The following FHIT variants were observed in gnomAD, a reference collection of about 807,000 sequenced individuals.
FHIT encodes the protein bis(5'-adenosyl)-triphosphatase.
FHIT carries 19 observed loss-of-function variants against 17.9 expected under a neutral mutation model. The ratio of observed to expected loss-of-function variants is 1.06; its 90% CI spans 0.74 to 1.56. FHIT has a LOEUF of 1.56. Among genes scored for constraint, FHIT ranks in the 40% most tolerant of loss-of-function variants. The pLI is 0.00. For missense variants in FHIT, 248 were observed against 189.2 expected (o/e 1.31, Z -1.82); for synonymous variants, 81 against 69.7 (o/e 1.16, Z -0.81).
intron 7 of FHIT, among the ~76,000 whole-genome samples, chr3:59,957,519 G>A (rs1289311851): frequency 6.6e-6 from 1 of 152,254 alleles, no homozygotes; most frequent in Non-Finnish European, 1.5e-5. Flanking sequence ...ACTGATGAGT[G>A]AATGGATGAA....
At chr3:59,781,102 G>C (rs1702562454) in intron 8 of FHIT, among the ~76,000 whole-genome samples, 2 of 152,096 alleles carry the variant, frequency 1.3e-5, no homozygotes, top group Admixed American at 6.6e-5. Flanking sequence ...ATTTCCCTTA[G>C]AAAAAGGCAT....
At chr3:60,964,158 T>A (rs1444216405) in intron 3 of FHIT, among the ~76,000 whole-genome samples, 6 of 152,226 alleles carry the variant, frequency 3.9e-5, no homozygotes, top group African/African-American at 1.4e-4. Flanking sequence ...GCTCTTCTTG[T>A]TGAATTGATC....
chr3:60,323,642 C>G (rs1178415741), intron 5 of FHIT, among the ~76,000 whole-genome samples: 1 of 152,210 alleles, frequency 6.6e-6, no homozygotes, highest in African/African-American at 2.4e-5. Flanking sequence ...ATCCCTGTGC[C>G]TCCTGTACTA....
intron 5 of FHIT, among the ~76,000 whole-genome samples, chr3:60,058,941 T>A (rs373584055): frequency 2.0e-5 from 3 of 152,124 alleles, no homozygotes; most frequent in East Asian, 3.9e-4. Context: ...TCAGAGGCCA[T>A]GATGGTCAAA....
intron 8 of FHIT, among the ~76,000 whole-genome samples, chr3:59,915,316 G>A (rs1017547312): frequency 6.6e-6 from 1 of 152,138 alleles, no homozygotes; most frequent in Non-Finnish European, 1.5e-5. Flanking sequence ...GATTTACTAT[G>A]GATGCTATGG....
chr3:60,658,495 A>G (rs2040167883), intron 4 of FHIT, among the ~76,000 whole-genome samples: 1 of 152,108 alleles, frequency 6.6e-6, no homozygotes, highest in Non-Finnish European at 1.5e-5. Flanking sequence ...TTAATATCCT[A>G]AAGTTATCGA....
chr3:60,901,760 T>G (rs62251568), intron 3 of FHIT, among the ~76,000 whole-genome samples: 1 of 152,018 alleles, frequency 6.6e-6, no homozygotes, highest in South Asian at 2.1e-4. Flanking sequence ...TTTCAGCATG[T>G]GTACTAGGAT....
chr3:61,071,386 T>G (rs1375466293), intron 2 of FHIT, among the ~76,000 whole-genome samples: 3 of 151,614 alleles, frequency 2.0e-5, no homozygotes, highest in Non-Finnish European at 4.4e-5. Flanking sequence ...TCCTGACCCA[T>G]TATTTCAAAG....
chr3:59,814,626 T>C (rs903230035), intron 8 of FHIT, among the ~76,000 whole-genome samples: 8 of 152,350 alleles, frequency 5.3e-5, no homozygotes, highest in Admixed American at 2.6e-4. Context: ...TGTCCCCACA[T>C]AGGTCCTATT....
chr3:60,280,002 A>G (rs1315475323), intron 5 of FHIT, among the ~76,000 whole-genome samples: 3 of 149,202 alleles, frequency 2.0e-5, no homozygotes, highest in African/African-American at 2.5e-5. Context: ...ACCGCACTCC[A>G]GCGTGGGTGA....
chr3:60,195,208 C>T (rs1011110842), intron 5 of FHIT, among the ~76,000 whole-genome samples: 2 of 151,850 alleles, frequency 1.3e-5, no homozygotes, highest in African/African-American at 2.4e-5. Flanking sequence ...CACAGTAAGA[C>T]ACCATTTTAC....
chr3:60,638,502 A>G (rs893861670), intron 4 of FHIT, among the ~76,000 whole-genome samples: 3 of 152,216 alleles, frequency 2.0e-5, no homozygotes, highest in Non-Finnish European at 4.4e-5. Flanking sequence ...GAAGCACATT[A>G]GAATCACTTG....
chr3:60,359,548 G>A (rs995938082), intron 5 of FHIT, among the ~76,000 whole-genome samples: 2 of 152,024 alleles, frequency 1.3e-5, no homozygotes, highest in Non-Finnish European at 2.9e-5. Flanking sequence ...CAAAGTGCTG[G>A]GATTACAGGC....
rs181695667 is a variant in FHIT at position 60,237,024 on chromosome 3, T to A, written c.104-222872A>T. ...CCTCATCCACTTTAAGTACTAGCAT[T>A]CCACACTTTGGATATACCAACATTT... On this transcript the variant is annotated intron_variant, in intron 5 of 9. Transcript: ENST00000492590. Among the ~76,000 whole-genome samples, 399 of 152,232 alleles carry A rather than the reference T, an allele frequency of 2.6e-3. 2 individuals are homozygous for A. Among genetic ancestry groups the A allele is most frequent in the Admixed American group, 4.4e-3 (67 of 15,290 alleles).
intron 3 of FHIT, among the ~76,000 whole-genome samples, chr3:60,871,268 G>C (rs1704404585): frequency 6.6e-6 from 1 of 152,056 alleles, no homozygotes; most frequent in South Asian, 2.1e-4. Context: ...AAACTATAGA[G>C]AGCTTTATGG....
At chr3:60,653,416 T>C (rs1553688825) in intron 4 of FHIT, among the ~76,000 whole-genome samples, 1 of 151,960 alleles carries the variant, frequency 6.6e-6, no homozygotes, top group Non-Finnish European at 1.5e-5. Flanking sequence ...ATAGACCAAG[T>C]ACAGAAGTAA....
chr3:60,804,908 A>G (rs1213309689), intron 4 of FHIT, among the ~76,000 whole-genome samples: 2 of 152,164 alleles, frequency 1.3e-5, no homozygotes, highest in Admixed American at 6.5e-5. Context: ...GGCCATGGCA[A>G]TTTCTGCAAA....
chr3:61,245,520 C>T (rs539862422), intron 1 of FHIT, among the ~76,000 whole-genome samples: 6 of 152,304 alleles, frequency 3.9e-5, no homozygotes, highest in African/African-American at 1.4e-4. Context: ...AATACTGACT[C>T]TCTGATCCTT....
At chr3:60,265,479 T>C (rs1335368638) in intron 5 of FHIT, among the ~76,000 whole-genome samples, 1 of 151,956 alleles carries the variant, frequency 6.6e-6, no homozygotes, top group Admixed American at 6.6e-5. Flanking sequence ...AACATACATG[T>C]AAACCTTCAT....
Sources: gnomAD v4.1 joint callset for allele counts (sites outside exome capture counted in the v4.1 genomes callset) on GRCh38, gnomAD v4.1.1 for gene constraint, MANE v1.5 for transcripts, NCBI Gene and HGNC (gene_info 2026-07-23, HGNC 2026-07-21) for gene names.